NHS: variants seen among roughly 807,000 people sequenced by gnomAD.
The protein encoded by NHS is NHS actin remodeling regulator.
A neutral mutation model predicts 72.5 loss-of-function variants in NHS; 5 were observed. The ratio of observed to expected loss-of-function variants is 0.07; its 90% CI spans 0.04 to 0.14. The LOEUF (loss-of-function observed/expected upper bound fraction) is 0.14. NHS is among the 10% of genes least tolerant of loss of function. The probability of loss-of-function intolerance (pLI) is 1.00; values close to 1 mark genes in which losing one functional copy is unlikely to be tolerated. For synonymous variants in NHS, 464 were observed against 547.7 expected (o/e 0.85, Z 2.13); for missense variants, 1,072 against 1,355.7 (o/e 0.79, Z 3.29).
chrX:17,702,088 G>A (rs1355248571), intron 3 of NHS, among the ~76,000 whole-genome samples: 1 of 110,856 alleles, frequency 9.0e-6, no homozygotes, highest in Non-Finnish European at 1.9e-5. Context: ...GGTGGTGGCA[G>A]GTTCAAGGGG....
intron 1 of NHS, among the ~76,000 whole-genome samples, chrX:17,510,792 C>T (rs192315933): frequency 8.9e-6 from 1 of 112,473 alleles, no homozygotes; most frequent in Admixed American, 9.4e-5. Flanking sequence ...GGGCATAAGG[C>T]TTCGTGGCCT....
At chrX:17,667,043 T>A (rs961633652) in intron 1 of NHS, among the ~76,000 whole-genome samples, 1 of 112,335 alleles carries the variant, frequency 8.9e-6, no homozygotes. Flanking sequence ...TAAAACCTAT[T>A]TGTTATTGCT....
chrX:17,664,975 G>A (rs770492323), intron 1 of NHS, among the ~76,000 whole-genome samples: 1 of 110,292 alleles, frequency 9.1e-6, no homozygotes, highest in Non-Finnish European at 1.9e-5. Context: ...ATCATAAATG[G>A]TATTCTTTTC....
At chrX:17,533,180 A>G (rs910532717) in intron 1 of NHS, among the ~76,000 whole-genome samples, 3 of 112,488 alleles carry the variant, frequency 2.7e-5, no homozygotes, top group African/African-American at 9.7e-5. Flanking sequence ...TAGAGAAGTG[A>G]AAGTCATTGG....
intron 1 of NHS, among the ~76,000 whole-genome samples, chrX:17,403,111 T>C (rs1276635713): frequency 3.6e-5 from 4 of 111,995 alleles, no homozygotes; most frequent in African/African-American, 1.3e-4. Context: ...CCTTGGTCTT[T>C]TGGATCTTTA....
At chrX:17,610,939 T>C in intron 1 of NHS, among the ~76,000 whole-genome samples, 1 of 112,290 alleles carries the variant, frequency 8.9e-6, no homozygotes, top group African/African-American at 3.2e-5. Flanking sequence ...TGATCCTTGG[T>C]GAAGTCTGCT....
intron 1 of NHS, among the ~76,000 whole-genome samples, chrX:17,534,096 T>TTGTGTGTGTGTGTGTGTG (rs59352413): frequency 1.4e-4 from 15 of 104,940 alleles, no homozygotes; most frequent in African/African-American, 5.3e-4. Flanking sequence ...TGAAAGGTCA[T>TTGTGTGTGTGTGTGTGTG]TGTGTGTGTG....
chrX:17,384,076 A>G (rs2064393469), intron 1 of NHS, among the ~76,000 whole-genome samples: 1 of 112,271 alleles, frequency 8.9e-6, no homozygotes, highest in Non-Finnish European at 1.9e-5. Flanking sequence ...TCTGAAAGGA[A>G]CCAGGAGGTA....
intron 1 of NHS, among the ~76,000 whole-genome samples, chrX:17,544,560 G>A (rs2065281670): frequency 8.9e-6 from 1 of 111,743 alleles, no homozygotes; most frequent in African/African-American, 3.3e-5. Flanking sequence ...TGCCCAGGCT[G>A]GAGTGCAGTG....
At chrX:17,431,315 C>T (rs1662826391) in intron 1 of NHS, among the ~76,000 whole-genome samples, 1 of 111,523 alleles carries the variant, frequency 9.0e-6, no homozygotes, top group African/African-American at 3.3e-5. Flanking sequence ...AAATATGACC[C>T]ACTAGAGTGC....
At chrX:17,419,251 G>A (rs1411216641) in intron 1 of NHS, among the ~76,000 whole-genome samples, 3 of 112,391 alleles carry the variant, frequency 2.7e-5, no homozygotes, top group African/African-American at 9.7e-5. Flanking sequence ...GTCAGCACCA[G>A]GAACATTTTT....
At chrX:17,516,078 A>G (rs1261240511) in intron 1 of NHS, among the ~76,000 whole-genome samples, 4 of 111,373 alleles carry the variant, frequency 3.6e-5, no homozygotes, top group African/African-American at 9.8e-5. Context: ...TAATCTTAAT[A>G]GTATATTTTA....
At chrX:17,678,403 G>C (rs1355867735) in intron 1 of NHS, among the ~76,000 whole-genome samples, 1 of 111,126 alleles carries the variant, frequency 9.0e-6, no homozygotes, top group Non-Finnish European at 1.9e-5. Context: ...ATTGGCTCAT[G>C]GTTCTGCAGG....
At position 17,505,175 on chromosome X, in the gene NHS, A is replaced by T. The variant is rs1457888163; in HGVS notation, c.565+128853A>T. Among the ~76,000 whole-genome samples the T allele has an allele frequency of 2.7e-5, 3 of 111,992 alleles. No homozygotes were observed. In the East Asian group the frequency reaches 8.3e-4, roughly 31 times the overall value. On this transcript the variant is annotated intron_variant, in intron 1 of 8. Coordinates refer to ENST00000676302, the MANE Select transcript of NHS (RefSeq NM_001291867.2). ...ACTCATTTTTTTCATCAGATGCAGA[A>T]TATTTAAAACTTTATAATATATTGA...
At chrX:17,446,326 C>T (rs1037496322) in intron 1 of NHS, among the ~76,000 whole-genome samples, 1 of 111,156 alleles carries the variant, frequency 9.0e-6, no homozygotes, top group Non-Finnish European at 1.9e-5. Context: ...AGCCCAAGCT[C>T]AGCCATCATA....
chrX:17,626,060 A>G lies in NHS; in HGVS notation c.566-61682A>G, dbSNP rs767826873. Among the ~76,000 whole-genome samples, 21 of 112,623 alleles carry G rather than the reference A, an allele frequency of 1.9e-4. No individual in the cohort carries two copies. In the East Asian group the frequency reaches 5.6e-3, roughly 30 times the overall value. On this transcript the variant is annotated intron_variant, in intron 1 of 8. Transcript: ENST00000676302. Reference sequence around the variant, plus strand: ...TGCAGTATCCATATTCAAATTAATTAAAATCAAATGAAATTAAAAATTCAG... The same window carrying G: ...TGCAGTATCCATATTCAAATTAATTGAAATCAAATGAAATTAAAAATTCAG...
chrX:17,421,301 C>T (rs1317920831), intron 1 of NHS, among the ~76,000 whole-genome samples: 3 of 109,417 alleles, frequency 2.7e-5, no homozygotes, highest in African/African-American at 1.0e-4. Flanking sequence ...CCTGGTCTCT[C>T]AGACCTGGAT....
chrX:17,378,059 C>CGTGTGT (rs34807039), intron 1 of NHS, among the ~76,000 whole-genome samples: 2,108 of 101,035 alleles, frequency 0.021, 60 homozygotes, highest in African/African-American at 0.071. Flanking sequence ...ATACATTTCC[C>CGTGTGT]GTGTGTGTGT....
chrX:17,488,762 G>A (rs985407343), intron 1 of NHS, among the ~76,000 whole-genome samples: 1 of 111,735 alleles, frequency 8.9e-6, no homozygotes, highest in Admixed American at 9.6e-5. Context: ...TCTGTGATGT[G>A]AAAATATCTA....
Sources: allele counts gnomAD v4.1 joint callset (sites outside exome capture counted in the v4.1 genomes callset), GRCh38; gene constraint gnomAD v4.1.1; transcripts MANE v1.5; gene names NCBI Gene and HGNC (gene_info 2026-07-23, HGNC 2026-07-21).